Variants in KAT6B observed in about 807,000 individuals in gnomAD.
KAT6B encodes the protein lysine acetyltransferase 6B.
In KAT6B, 10 loss-of-function variants were observed where a neutral mutation model predicts 187.5. That is an observed-to-expected ratio of 0.05 (90% confidence interval 0.03 to 0.09). The LOEUF is 0.09. Ranked by LOEUF, KAT6B falls within the 10% of genes least tolerant of loss-of-function variation. KAT6B has a pLI of 1.00. For missense variants in KAT6B, 1,952 were observed against 2,558.9 expected (o/e 0.76, Z 5.12); for synonymous variants, 861 against 926.8 (o/e 0.93, Z 1.29).
intron 3 of KAT6B, among the ~76,000 whole-genome samples, chr10:74,885,068 AATTT>A (rs974515187): frequency 1.7e-4 from 26 of 151,268 alleles, no homozygotes; most frequent in African/African-American, 5.1e-4. Flanking sequence ...TTAATTAATT[AATTT>A]ATTTATTTAT....
chr10:75,028,898 GGAGGAAGAGGAAGAA>G lies in KAT6B; in HGVS notation c.4083_4097del (p.Glu1364_Glu1368del). On this transcript the variant is annotated inframe_deletion, in exon 18 of 18. Coordinates refer to ENST00000287239, the MANE Select transcript of KAT6B (RefSeq NM_012330.4). ...CTGAGGAAGAGGAAGAGGAGGAGGA[GGAGGAAGAGGAAGAA>G]GAGGAAGAAGAGGAAGGGGAAGAAG... is the stretch of plus-strand genomic sequence containing the variant. The G allele has an allele frequency of 1.2e-6, 2 of 1,609,576 alleles. No individual in the cohort carries two copies. Among genetic ancestry groups the G allele is most frequent in the Non-Finnish European group, 1.7e-6 (2 of 1,176,416 alleles).
intron 3 of KAT6B, among the ~76,000 whole-genome samples, chr10:74,896,529 A>G (rs1184185188): frequency 1.3e-5 from 2 of 152,160 alleles, no homozygotes; most frequent in African/African-American, 4.8e-5. Context: ...ACCTCAAGTG[A>G]TCCACCTGCC....
chr10:74,961,344 T>G (rs1323258207), intron 4 of KAT6B, among the ~76,000 whole-genome samples: 1 of 152,242 alleles, frequency 6.6e-6, no homozygotes, highest in Non-Finnish European at 1.5e-5. Context: ...TTCTTTTGTG[T>G]AACTGCCTGA....
At chr10:74,979,368 A>G in intron 10 of KAT6B, 29 bp downstream of exon 10, 1 of 1,393,620 alleles carries the variant, frequency 7.2e-7, no homozygotes, top group Non-Finnish European at 1.0e-6. Context: ...CAGGTGTATA[A>G]CTTGAATGTC....
chr10:75,009,071 C>G (rs1844414970), intron 13 of KAT6B, among the ~76,000 whole-genome samples: 1 of 152,250 alleles, frequency 6.6e-6, no homozygotes, highest in Non-Finnish European at 1.5e-5. Context: ...TATAATCACA[C>G]ACTTCTACCT....
At chr10:74,908,344 C>T (rs560307766) in intron 3 of KAT6B, among the ~76,000 whole-genome samples, 69 of 152,060 alleles carry the variant, frequency 4.5e-4, no homozygotes, top group African/African-American at 8.4e-4. Flanking sequence ...GGGCAGATCA[C>T]GAGGTCAAGA....
At chr10:75,017,927 CTT>C (rs1205087789) in intron 13 of KAT6B, among the ~76,000 whole-genome samples, 1 of 152,250 alleles carries the variant, frequency 6.6e-6, no homozygotes, top group Non-Finnish European at 1.5e-5. Context: ...CGTGAGTAGA[CTT>C]TGTGGACTTC....
At chr10:74,828,967 T>G (rs117194115) in intron 1 of KAT6B, among the ~76,000 whole-genome samples, 9 of 151,176 alleles carry the variant, frequency 6.0e-5, no homozygotes, top group Admixed American at 1.3e-4. Context: ...TTCCGAGAAC[T>G]TCTACTGAGA....
chr10:75,014,880 G>C (rs970355108), intron 13 of KAT6B, among the ~76,000 whole-genome samples: 2 of 152,184 alleles, frequency 1.3e-5, no homozygotes, highest in Non-Finnish European at 2.9e-5. Context: ...TGCATCCAAG[G>C]AGCTGAGTGA....
intron 13 of KAT6B, among the ~76,000 whole-genome samples, chr10:75,011,234 A>T (rs1478827486): frequency 6.6e-6 from 1 of 152,166 alleles, no homozygotes; most frequent in Non-Finnish European, 1.5e-5. Context: ...TTTATAAGAG[A>T]GGAAATAATT....
intron 7 of KAT6B, 127 bp downstream of exon 7, chr10:74,972,766 C>G: frequency 1.1e-6 from 1 of 905,678 alleles, no homozygotes; most frequent in East Asian, 2.5e-5. Context: ...TTGAAAAATA[C>G]TTTTCCTTTT....
chr10:75,026,385 C>T (rs1297062176), intron 17 of KAT6B, among the ~76,000 whole-genome samples: 1 of 152,154 alleles, frequency 6.6e-6, no homozygotes, highest in Non-Finnish European at 1.5e-5. Context: ...TTATGGTATA[C>T]TCTCTCTATT....
At chr10:74,859,369 G>A (rs903711320) in intron 3 of KAT6B, among the ~76,000 whole-genome samples, 9 of 152,250 alleles carry the variant, frequency 5.9e-5, no homozygotes, top group Non-Finnish European at 7.4e-5. Flanking sequence ...ATAGGCGTGA[G>A]CCACTGTGCC....
Position 74,979,215 on chromosome 10 carries a change from A to G in KAT6B, c.2116-9A>G, listed in dbSNP as rs747646395. 9 of 1,590,594 alleles carry G rather than the reference A, an allele frequency of 5.7e-6. No individual in the cohort carries two copies. The highest frequency in any genetic ancestry group is 1.7e-5 in the Admixed American group (1 of 59,946). ...ATATTATTATTTTCCTTTTCTTTCT[A>G]TTTGACAGAAAATAGAGTGTGAGAG... On this transcript the variant is annotated splice_polypyrimidine_tract_variant and intron_variant, in intron 9 of 17. Coordinates refer to ENST00000287239, the MANE Select transcript of KAT6B (RefSeq NM_012330.4).
chr10:74,894,850 C>A (rs1207894537), intron 3 of KAT6B, among the ~76,000 whole-genome samples: 1 of 152,120 alleles, frequency 6.6e-6, no homozygotes, highest in African/African-American at 2.4e-5. Context: ...TACCTTTCGG[C>A]TCCTGTGAAC....
intron 8 of KAT6B, 105 bp downstream of exon 8, chr10:74,976,435 C>A: frequency 1.1e-6 from 1 of 927,358 alleles, no homozygotes; most frequent in Non-Finnish European, 1.7e-6. Context: ...TAGGTCTTAG[C>A]TATTTCTCTT....
chr10:74,886,603 T>C (rs955745573), intron 3 of KAT6B, among the ~76,000 whole-genome samples: 1 of 152,206 alleles, frequency 6.6e-6, no homozygotes, highest in African/African-American at 2.4e-5. Context: ...CTTGGTGTTA[T>C]AGTTGGCTGA....
At chr10:75,013,302 G>A (rs1372241262) in intron 13 of KAT6B, among the ~76,000 whole-genome samples, 1 of 152,140 alleles carries the variant, frequency 6.6e-6, no homozygotes, top group East Asian at 1.9e-4. Flanking sequence ...TGGGGGCACA[G>A]AACTGTGTTT....
intron 3 of KAT6B, among the ~76,000 whole-genome samples, chr10:74,870,321 A>C (rs1027948699): frequency 6.6e-6 from 1 of 152,074 alleles, no homozygotes; most frequent in South Asian, 2.1e-4. Context: ...CGAAAAACCA[A>C]ATATGAGACC....
Sources: gnomAD v4.1 joint callset for allele counts (sites outside exome capture counted in the v4.1 genomes callset) on GRCh38, gnomAD v4.1.1 for gene constraint, MANE v1.5 for transcripts, NCBI Gene and HGNC (gene_info 2026-07-23, HGNC 2026-07-21) for gene names.